Variants in MCUB observed in about 807,000 individuals in gnomAD.
MCUB encodes the protein mitochondrial calcium uniporter dominant negative subunit beta.
MCUB carries 46 observed loss-of-function variants against 41.4 expected under a neutral mutation model. That is an observed-to-expected ratio of 1.11 (90% CI 0.88 to 1.42). The LOEUF (loss-of-function observed/expected upper bound fraction) is 1.42. Among genes scored for constraint, MCUB ranks in the 40% most tolerant of loss-of-function variants. The pLI is 0.00. For missense variants in MCUB, 403 were observed against 404.9 expected, an observed-to-expected ratio of 1.00 and a Z score of 0.04; for synonymous variants, 148 against 148.2, an observed-to-expected ratio of 1.00 and a Z score of 0.01.
chr4:109,626,067 A>G (rs897864203), intron 1 of MCUB, among the ~76,000 whole-genome samples: 1 of 152,182 alleles, frequency 6.6e-6, no homozygotes, highest in Non-Finnish European at 1.5e-5. Context: ...CCAGTGTCCT[A>G]CAGTCTGAGG....
chr4:109,662,076 A>T (rs1729243122), intron 3 of MCUB, among the ~76,000 whole-genome samples: 1 of 152,140 alleles, frequency 6.6e-6, no homozygotes, highest in Admixed American at 6.5e-5. Context: ...GGGAGCTGGG[A>T]GAAAGGAGGA....
At chr4:109,575,083 T>G (rs1726997001) in intron 1 of MCUB, among the ~76,000 whole-genome samples, 2 of 152,174 alleles carry the variant, frequency 1.3e-5, no homozygotes, top group South Asian at 4.2e-4. Context: ...GATCTTAATC[T>G]CTACGCTTCC....
At chr4:109,566,267 A>G (rs1356349099) in intron 1 of MCUB, among the ~76,000 whole-genome samples, 1 of 151,602 alleles carries the variant, frequency 6.6e-6, no homozygotes, top group Non-Finnish European at 1.5e-5. Context: ...GAGGAGATCG[A>G]GACTATCCTG....
chr4:109,626,426 C>T (rs1728360439), intron 1 of MCUB, among the ~76,000 whole-genome samples: 1 of 152,112 alleles, frequency 6.6e-6, no homozygotes. Context: ...TAGGTGCTAT[C>T]ATCTCTGTCG....
intron 1 of MCUB, among the ~76,000 whole-genome samples, chr4:109,610,108 C>G (rs567188219): frequency 2.0e-5 from 3 of 152,150 alleles, no homozygotes; most frequent in Non-Finnish European, 2.9e-5. Flanking sequence ...TCACTTAAGG[C>G]CCAAGGGTCT....
At chr4:109,628,845 T>C (rs1288005143) in intron 1 of MCUB, among the ~76,000 whole-genome samples, 2 of 152,236 alleles carry the variant, frequency 1.3e-5, no homozygotes, top group Non-Finnish European at 2.9e-5. Context: ...AGGACGTCGA[T>C]ACAGGCAGTC....
intron 1 of MCUB, among the ~76,000 whole-genome samples, chr4:109,605,982 GTTTGTT>G (rs1434629985): frequency 8.9e-6 from 1 of 112,674 alleles, no homozygotes; most frequent in African/African-American, 3.0e-5. Flanking sequence ...TTGTTTGTTT[GTTTGTT>G]TTTTGAGACA....
intron 1 of MCUB, among the ~76,000 whole-genome samples, chr4:109,637,499 A>C (rs1728621087): frequency 6.6e-6 from 1 of 152,228 alleles, no homozygotes; most frequent in African/African-American, 2.4e-5. Context: ...AACCAGCCCA[A>C]ATGCCCATCA....
chr4:109,663,054 T>A (rs1386370406), intron 3 of MCUB, among the ~76,000 whole-genome samples: 4 of 152,156 alleles, frequency 2.6e-5, no homozygotes, highest in Admixed American at 2.6e-4. Context: ...AAAAGAACTA[T>A]AGGGAGGCAG....
chr4:109,561,820 C>T (rs1487940623), intron 1 of MCUB, among the ~76,000 whole-genome samples: 1 of 152,158 alleles, frequency 6.6e-6, no homozygotes, highest in African/African-American at 2.4e-5. Flanking sequence ...GCGATCTCGG[C>T]TCACTGCAAC....
At chr4:109,680,760 A>G (rs1382069201) in intron 4 of MCUB, among the ~76,000 whole-genome samples, 1 of 152,206 alleles carries the variant, frequency 6.6e-6, no homozygotes, top group Non-Finnish European at 1.5e-5. Flanking sequence ...TACTGGGCTG[A>G]TACCAACTCT....
chr4:109,603,240 C>T (rs998927967), intron 1 of MCUB, among the ~76,000 whole-genome samples: 8 of 152,306 alleles, frequency 5.3e-5, no homozygotes, highest in Non-Finnish European at 1.0e-4. Context: ...GGATTGCAGG[C>T]GCGCGCCGCC....
chr4:109,659,093 T>G lies in MCUB; in HGVS notation c.175+7T>G, dbSNP rs1330530179. On this transcript the variant is annotated splice_region_variant and intron_variant, in intron 2 of 7. Transcript: ENST00000394650. ...ACCGTGGTGCCACCTGATGGTAAGC[T>G]TTCTTACCATTTATTTGATTCATAT... The G allele has an allele frequency of 2.2e-6, 3 of 1,363,886 alleles. No homozygotes were observed. The highest frequency in any genetic ancestry group is 3.1e-6 in the Non-Finnish European group (3 of 975,892). The allele number at this position is 1,363,886 out of a possible 1,614,324, so 84.5% of individuals were successfully genotyped here.
chr4:109,615,841 A>G (rs746746919), intron 1 of MCUB, among the ~76,000 whole-genome samples: 3 of 152,216 alleles, frequency 2.0e-5, no homozygotes, highest in Non-Finnish European at 4.4e-5. Context: ...TTTTCTTCCA[A>G]GTGCACATCT....
chr4:109,670,608 C>T lies in MCUB; in HGVS notation c.451+6214C>T, dbSNP rs530871269. 8.6e-5 allele frequency among the ~76,000 whole-genome samples: 13 copies of T among 151,478 alleles called. No individual in the cohort carries two copies. In the East Asian group the frequency reaches 2.1e-3, roughly 25 times the overall value. ...GCAGGTGCCTGTAATCACAGGTACT[C>T]GGGAGGCTGAGGCAGGAGAATCGCT... is the stretch of plus-strand genomic sequence containing the variant. On this transcript the variant is annotated intron_variant, in intron 4 of 7. Coordinates refer to ENST00000394650, the MANE Select transcript of MCUB (RefSeq NM_017918.5).
intron 1 of MCUB, among the ~76,000 whole-genome samples, chr4:109,656,212 G>C (rs1394087649): frequency 6.6e-6 from 1 of 151,736 alleles, no homozygotes; most frequent in South Asian, 2.1e-4. Flanking sequence ...AGCATTATAC[G>C]GACTCTAGCA....
At position 109,631,866 on chromosome 4, in the gene MCUB, T is replaced by C. The variant is rs576994448; in HGVS notation, c.100-27145T>C. Among the ~76,000 whole-genome samples the C allele has an allele frequency of 1.4e-3, 207 of 152,268 alleles. 1 individual carries two copies. The highest frequency in any genetic ancestry group is 4.7e-3 in the African/African-American group (197 of 41,538). ...CTTTCTCTCCCCACCTGCAGGCTGTTTCTCAGGCAGCTCCAGCCCAGTCTT... is the reference window on the plus strand; with the variant it reads ...CTTTCTCTCCCCACCTGCAGGCTGTCTCTCAGGCAGCTCCAGCCCAGTCTT... On this transcript the variant is annotated intron_variant, in intron 1 of 7. Coordinates refer to ENST00000394650, the MANE Select transcript of MCUB (RefSeq NM_017918.5).
chr4:109,576,599 C>T (rs1482594316), intron 1 of MCUB, among the ~76,000 whole-genome samples: 1 of 144,710 alleles, frequency 6.9e-6, no homozygotes, highest in Non-Finnish European at 1.5e-5. Context: ...GATGTGGGAA[C>T]TCTTTTGTGT....
At chr4:109,660,686 C>T (rs1226713960) in intron 3 of MCUB, among the ~76,000 whole-genome samples, 2 of 152,006 alleles carry the variant, frequency 1.3e-5, no homozygotes, top group Non-Finnish European at 2.9e-5. Flanking sequence ...CGTGGTGGTA[C>T]ATACCTGTAA....
Sources: allele counts gnomAD v4.1 joint callset (sites outside exome capture counted in the v4.1 genomes callset), GRCh38; gene constraint gnomAD v4.1.1; transcripts MANE v1.5; gene names NCBI Gene and HGNC (gene_info 2026-07-23, HGNC 2026-07-21).